The following RASSF5 variants were observed in gnomAD, a reference collection of about 807,000 sequenced individuals.
RASSF5 encodes Ras association domain family member 5.
In RASSF5, 25 loss-of-function variants were observed where a neutral mutation model predicts 40.5. The ratio of observed to expected loss-of-function variants is 0.62; its 90% CI spans 0.45 to 0.86. The LOEUF (loss-of-function observed/expected upper bound fraction) is 0.86. Ranked by LOEUF, RASSF5 falls within the 40% of genes least tolerant of loss-of-function variation. The pLI is 0.00. For missense variants in RASSF5, 521 were observed against 572.8 expected (o/e 0.91, Z 0.92); for synonymous variants, 246 against 252.4 (o/e 0.97, Z 0.24).
chr1:206,577,780 G>C (rs1279229316), intron 2 of RASSF5, among the ~76,000 whole-genome samples: 1 of 152,198 alleles, frequency 6.6e-6, no homozygotes, highest in Admixed American at 6.5e-5. Flanking sequence ...GGCAATAGGG[G>C]ATCATTGAAG....
At chr1:206,512,569 C>A (rs527652328) in intron 1 of RASSF5, among the ~76,000 whole-genome samples, 13 of 152,324 alleles carry the variant, frequency 8.5e-5, no homozygotes, top group African/African-American at 3.1e-4. Context: ...CTCCCCGCAG[C>A]ACTGAGGGTT....
At chr1:206,523,202 G>C (rs1305856103) in intron 1 of RASSF5, among the ~76,000 whole-genome samples, 3 of 150,804 alleles carry the variant, frequency 2.0e-5, no homozygotes, top group Admixed American at 6.7e-5. Context: ...TACTTGGGAG[G>C]CTGAGGCAGG....
chr1:206,546,260 C>T (rs1266632422), intron 2 of RASSF5, among the ~76,000 whole-genome samples: 1 of 151,582 alleles, frequency 6.6e-6, no homozygotes, highest in African/African-American at 2.4e-5. Context: ...ACATGCACCA[C>T]CACACCTGGC....
chr1:206,560,397 T>C lies in RASSF5; in HGVS notation c.579+22104T>C, dbSNP rs578013895. On this transcript the variant is annotated intron_variant, in intron 2 of 5. Transcript: ENST00000579436. This position sits in a 1 kb window ranked among gnomAD's most constrained non-coding sequence, Gnocchi z 5.1. ...GGGTGGGAAAGGTCTCCCCATTTCA[T>C]AGGAAGGGGGTGCCTAAAGGTCAGG... is the stretch of plus-strand genomic sequence containing the variant. Among the ~76,000 whole-genome samples, 39 of 152,250 alleles carry C rather than the reference T, an allele frequency of 2.6e-4. No individual in the cohort carries two copies. The South Asian group carries it at 8.1e-3, about 32-fold the overall frequency.
chr1:206,564,540 C>T (rs116554362), intron 2 of RASSF5, among the ~76,000 whole-genome samples: 1,745 of 152,310 alleles, frequency 0.011, 39 homozygotes, highest in African/African-American at 0.04. Flanking sequence ...TCTTATTGCA[C>T]ACTGTCAGAT....
At chr1:206,517,223 C>T (rs1445476115) in intron 1 of RASSF5, among the ~76,000 whole-genome samples, 1 of 152,142 alleles carries the variant, frequency 6.6e-6, no homozygotes, top group Non-Finnish European at 1.5e-5. Context: ...CCTGTAATCC[C>T]AGCACTTTGG....
intron 1 of RASSF5, among the ~76,000 whole-genome samples, chr1:206,512,708 G>A (rs895697144): frequency 6.6e-6 from 1 of 152,144 alleles, no homozygotes; most frequent in African/African-American, 2.4e-5. Context: ...TGCCTCGGTG[G>A]GAGAGTGAAT....
intron 2 of RASSF5, among the ~76,000 whole-genome samples, chr1:206,550,142 A>T (rs1667796651): frequency 6.6e-6 from 1 of 151,774 alleles, no homozygotes; most frequent in South Asian, 2.1e-4. Flanking sequence ...AAATCTAGGG[A>T]TCAACTCATT....
rs1359439806 is a variant in RASSF5 at position 206,531,432 on chromosome 1, C to T, written c.458-6740C>T. ...CTGAGTCTGAAGGGACATCTTGGGG[C>T]CAGGTTGAGAGGCGGTATCCTAGCT... On this transcript the variant is annotated intron_variant, in intron 1 of 5. Coordinates refer to ENST00000579436, the MANE Select transcript of RASSF5 (RefSeq NM_182663.4). This position sits in a 1 kb window ranked among gnomAD's most constrained non-coding sequence, Gnocchi z 4.7. 6.6e-6 allele frequency among the ~76,000 whole-genome samples: 1 copy of T among 152,116 alleles called. No individual in the cohort carries two copies. The highest frequency in any genetic ancestry group is 1.5e-5 in the Non-Finnish European group (1 of 68,024).
rs1203862928 is a variant in RASSF5, at chr1:206,560,505, C to T, written c.579+22212C>T. ...AGAAAATGGCAGTTTCCTGGGGCCA[C>T]GTGCCTCCTTTGAGAGGGGCCGGGG... On this transcript the variant is annotated intron_variant, in intron 2 of 5. Coordinates refer to ENST00000579436, the MANE Select transcript of RASSF5 (RefSeq NM_182663.4). This position sits in a 1 kb window ranked among gnomAD's most constrained non-coding sequence, Gnocchi z 5.1. Among the ~76,000 whole-genome samples, 8 of 152,214 alleles carry T rather than the reference C, an allele frequency of 5.3e-5. No individual in the cohort carries two copies. Among genetic ancestry groups the T allele is most frequent in the African/African-American group, 1.9e-4 (8 of 41,440 alleles).
intron 2 of RASSF5, among the ~76,000 whole-genome samples, chr1:206,538,667 C>A (rs528832352): frequency 4.7e-4 from 72 of 152,188 alleles, no homozygotes; most frequent in Non-Finnish European, 8.1e-4. Context: ...AGCACATTGT[C>A]CAGCCAGGCC....
Position 206,568,889 on chromosome 1 carries a change from G to A in RASSF5, c.580-14380G>A, listed in dbSNP as rs555849605. ...GGAGGTGGGGATGGATAGCTCCAAC[G>A]GTGAGCCAATACGTAGCTCCTAGCT... On this transcript the variant is annotated intron_variant, in intron 2 of 5. Coordinates refer to ENST00000579436, the MANE Select transcript of RASSF5 (RefSeq NM_182663.4). Among the ~76,000 whole-genome samples, 323 of 152,334 alleles carry A rather than the reference G, an allele frequency of 2.1e-3. 1 individual carries two copies. Among genetic ancestry groups the A allele is most frequent in the African/African-American group, 6.9e-3 (287 of 41,578 alleles).
At chr1:206,583,505 A>G (rs1572370764) in intron 3 of RASSF5, 126 bp downstream of exon 3, 1 of 694,216 alleles carries the variant, frequency 1.4e-6, no homozygotes, top group East Asian at 2.7e-5. Flanking sequence ...TCCGGCCTCC[A>G]GAGGCCTCCG....
chr1:206,566,091 C>T (rs1284408711), intron 2 of RASSF5, among the ~76,000 whole-genome samples: 3 of 152,150 alleles, frequency 2.0e-5, no homozygotes, highest in African/African-American at 4.8e-5. Flanking sequence ...TGACAGATGT[C>T]GCTGGCGGAA....
rs1331770259 is a variant in RASSF5, at chr1:206,579,269, G to C, written c.580-4000G>C. ...TTCCATGCCAGATGCACTGAGATGT[G>C]TGAGCCCCCAGGAGAGACACCTCAC... is the stretch of plus-strand genomic sequence containing the variant. On this transcript the variant is annotated intron_variant, in intron 2 of 5. Transcript: ENST00000579436. This position sits in a 1 kb window ranked among gnomAD's most constrained non-coding sequence, Gnocchi z 4.2. Among the ~76,000 whole-genome samples the C allele has an allele frequency of 6.6e-6, 1 of 152,168 alleles. No individual in the cohort carries two copies. Among genetic ancestry groups the C allele is most frequent in the Non-Finnish European group, 1.5e-5 (1 of 68,040 alleles).
intron 2 of RASSF5, among the ~76,000 whole-genome samples, chr1:206,556,924 A>G (rs1477348401): frequency 6.6e-6 from 1 of 152,152 alleles, no homozygotes; most frequent in Non-Finnish European, 1.5e-5. Flanking sequence ...AACCTGAGTC[A>G]CCGGGGCTGA....
chr1:206,524,916 G>A (rs11118968), intron 1 of RASSF5, among the ~76,000 whole-genome samples: 10,875 of 151,092 alleles, frequency 0.072, 663 homozygotes, highest in African/African-American at 0.17. Context: ...GACATGCTTC[G>A]GGCTACAGCA....
intron 1 of RASSF5, among the ~76,000 whole-genome samples, chr1:206,508,519 T>C (rs2103497338): frequency 6.6e-6 from 1 of 152,204 alleles, no homozygotes; most frequent in Middle Eastern, 3.4e-3. Flanking sequence ...ACAAAACGCT[T>C]GTTTGTCCGC....
In RASSF5 at chr1:206,570,078, CTTTTTTTTTT is replaced by C. The variant is rs375900760; in HGVS notation, c.580-13174_580-13165del. 2.1e-3 allele frequency among the ~76,000 whole-genome samples: 246 copies of C among 119,340 alleles called. 3 individuals are homozygous for C. Among genetic ancestry groups the C allele is most frequent in the African/African-American group, 4.9e-3 (149 of 30,302 alleles). 78.3% of individuals were successfully genotyped at this position (119,340 alleles called of 152,430 possible). ...AAAATACACATAACATAAAATTTAC[CTTTTTTTTTT>C]TTTTTTTTTTTTTTTTCCCCAAGAC... On this transcript the variant is annotated intron_variant, in intron 2 of 5. Transcript: ENST00000579436.
Sources: allele counts gnomAD v4.1 joint callset (sites outside exome capture counted in the v4.1 genomes callset), GRCh38; gene constraint gnomAD v4.1.1; non-coding constraint Gnocchi (gnomAD v3.1); transcripts MANE v1.5; gene names NCBI Gene and HGNC (gene_info 2026-07-23, HGNC 2026-07-21).